The following SEL1L2 variants were observed in gnomAD, a reference collection of about 807,000 sequenced individuals.
SEL1L2 encodes the protein SEL1L2 adaptor subunit of SYVN1 ubiquitin ligase.
SEL1L2 carries 89 observed loss-of-function variants against 98.8 expected under a neutral mutation model. The observed-to-expected ratio is 0.90, with a 90% CI of 0.76 to 1.07. The LOEUF (loss-of-function observed/expected upper bound fraction) is 1.07. SEL1L2 is among the 50% of genes least tolerant of loss of function. The pLI is 0.00. For missense variants in SEL1L2, 788 were observed against 812.0 expected (o/e 0.97, Z 0.36); for synonymous variants, 262 against 278.5 (o/e 0.94, Z 0.59).
intron 12 of SEL1L2, among the ~76,000 whole-genome samples, chr20:13,870,537 A>T (rs925910024): frequency 2.0e-5 from 3 of 152,304 alleles, no homozygotes; most frequent in Non-Finnish European, 4.4e-5. Flanking sequence ...TGCCTTGAAG[A>T]GTTCACACGC....
At chr20:13,919,594 T>G (rs2048562023) in intron 3 of SEL1L2, among the ~76,000 whole-genome samples, 2 of 152,132 alleles carry the variant, frequency 1.3e-5, no homozygotes, top group South Asian at 2.1e-4. Flanking sequence ...ATGACCAGTG[T>G]GCACCTAGGA....
At chr20:13,915,783 T>C (rs189985806) in intron 4 of SEL1L2, among the ~76,000 whole-genome samples, 237 of 152,112 alleles carry the variant, frequency 1.6e-3, no homozygotes, top group African/African-American at 5.3e-3. Context: ...AAGATTAAGA[T>C]GTGGGCTGCA....
At chr20:13,951,524 G>A (rs6110095) in intron 2 of SEL1L2, among the ~76,000 whole-genome samples, 1 of 74,814 alleles carries the variant, frequency 1.3e-5, no homozygotes, top group Non-Finnish European at 2.8e-5. Flanking sequence ...TCTTGAATCC[G>A]GGAGGTGGAG....
Position 13,939,040 on chromosome 20 carries a change from G to GGTTTTTTTTTTTTTTTTTTTTT in SEL1L2, c.115-7270_115-7269insAAAAAAAAAAAAAAAAAAAAAC. On this transcript the variant is annotated intron_variant, in intron 2 of 19. Transcript: ENST00000284951. ...TCTTTTTGGTTTGTTTGCTTGTTTT[G>GGTTTTTTTTTTTTTTTTTTTTT]TTTTTTTTTTTTTTTTTTTCTGAGA... Among the ~76,000 whole-genome samples the GGTTTTTTTTTTTTTTTTTTTTT allele has an allele frequency of 3.4e-3, 393 of 114,058 alleles. 58 individuals carry two copies. The highest frequency in any genetic ancestry group is 5.0e-3 in the Non-Finnish European group (287 of 57,520). 74.8% of individuals were successfully genotyped at this position (114,058 alleles called of 152,430 possible). A position where few individuals can be genotyped will look rare whatever the true frequency, so the allele number is the denominator to read the frequency against.
chr20:13,878,782 C>T (rs548272619), intron 10 of SEL1L2, among the ~76,000 whole-genome samples: 4 of 152,146 alleles, frequency 2.6e-5, no homozygotes, highest in South Asian at 2.1e-4. Context: ...TAGTATGTTA[C>T]GTATTATAGA....
At chr20:13,959,134 A>G (rs2050672434) in intron 1 of SEL1L2, among the ~76,000 whole-genome samples, 1 of 152,176 alleles carries the variant, frequency 6.6e-6, no homozygotes, top group Non-Finnish European at 1.5e-5. Flanking sequence ...AAAAAGCTTG[A>G]TAAGTGGGTG....
chr20:13,991,662 A>G (rs569084855), upstream of SEL1L2, among the ~76,000 whole-genome samples: 5 of 152,238 alleles, frequency 3.3e-5, no homozygotes, highest in Admixed American at 2.0e-4. Context: ...TTTAGGGCCC[A>G]CCAACATGAT....
intron 10 of SEL1L2, among the ~76,000 whole-genome samples, chr20:13,882,782 C>T (rs2046766639): frequency 6.9e-6 from 1 of 145,920 alleles, no homozygotes; most frequent in African/African-American, 2.5e-5. Context: ...AAAATGCAGA[C>T]AAAGATAACT....
chr20:13,877,372 C>G, intron 11 of SEL1L2, 148 bp downstream of exon 11: 1 of 543,012 alleles, frequency 1.8e-6, no homozygotes, highest in Non-Finnish European at 3.3e-6. Flanking sequence ...AGGGTCTTGC[C>G]GTGTTGCCCA....
Position 13,956,129 on chromosome 20 carries a change from T to C in SEL1L2, c.61A>G (p.Ile21Val), listed in dbSNP as rs749143496. 42 of 1,515,648 alleles carry C rather than the reference T, an allele frequency of 2.8e-5. No individual in the cohort carries two copies. The highest frequency in any genetic ancestry group is 7.6e-5 in the Admixed American group (4 of 52,520). 93.9% of individuals were successfully genotyped at this position (1,515,648 alleles called of 1,614,324 possible). ...CTTTTATTATGTTCCTCTGCTTTGATAGCTGCAATACACAAAATTTTTTTA... is the reference window on the plus strand; with the variant it reads ...CTTTTATTATGTTCCTCTGCTTTGACAGCTGCAATACACAAAATTTTTTTA... ...LIILGVTIKTIKAEEHNKRQK... is the reference protein window; with the variant it reads ...LIILGVTIKTVKAEEHNKRQK... The change falls in exon 2 of 20, where the codon ATC (isoleucine) becomes GTC (valine). Residue 21 changes from isoleucine (I) to valine (V), a missense_variant and splice_region_variant. Physicochemically the swap from Ile to Val is conservative, Grantham distance 29 (BLOSUM62 3). Transcript: ENST00000284951.
intron 10 of SEL1L2, among the ~76,000 whole-genome samples, chr20:13,882,756 TG>T (rs1241361627): frequency 2.6e-5 from 4 of 151,836 alleles, no homozygotes; most frequent in Admixed American, 2.6e-4. Context: ...CACCTAAGTT[TG>T]GGACTATTTT....
intron 2 of SEL1L2, among the ~76,000 whole-genome samples, chr20:13,937,862 G>A (rs2049532645): frequency 6.6e-6 from 1 of 152,140 alleles, no homozygotes; most frequent in Non-Finnish European, 1.5e-5. Flanking sequence ...TTTCACAGGA[G>A]AAACTAAAAA....
At chr20:13,934,196 A>T (rs2049291553) in intron 2 of SEL1L2, among the ~76,000 whole-genome samples, 1 of 148,126 alleles carries the variant, frequency 6.8e-6, no homozygotes, top group East Asian at 2.0e-4. Context: ...CTTAGCTCCC[A>T]CTTATAAGTG....
At chr20:13,952,813 G>A (rs189504111) in intron 2 of SEL1L2, among the ~76,000 whole-genome samples, 32 of 152,248 alleles carry the variant, frequency 2.1e-4, no homozygotes, top group Non-Finnish European at 2.9e-5. Context: ...GGCAGATCAC[G>A]AGGTCAAAAG....
intron 1 of SEL1L2, among the ~76,000 whole-genome samples, chr20:13,970,519 T>A (rs1209710884): frequency 6.6e-6 from 1 of 152,200 alleles, no homozygotes; most frequent in Non-Finnish European, 1.5e-5. Context: ...CTTCCACACT[T>A]AGTATACGTA....
intron 2 of SEL1L2, among the ~76,000 whole-genome samples, chr20:13,950,337 T>A (rs1600882401): frequency 6.6e-6 from 1 of 152,218 alleles, no homozygotes; most frequent in Non-Finnish European, 1.5e-5. Flanking sequence ...TATGTATATT[T>A]GACCACAATT....
chr20:13,932,568 A>G (rs2049199457), intron 2 of SEL1L2, among the ~76,000 whole-genome samples: 1 of 151,974 alleles, frequency 6.6e-6, no homozygotes, highest in Admixed American at 6.6e-5. Flanking sequence ...AGTAACTGGG[A>G]CTACAGGTGC....
intron 18 of SEL1L2, 22 bp from the exon 19 acceptor site, chr20:13,850,341 TA>T: frequency 6.2e-7 from 1 of 1,613,502 alleles, no homozygotes; most frequent in Non-Finnish European, 8.5e-7. Context: ...AGAATAGCCC[TA>T]CCCATCAGAT....
intron 11 of SEL1L2, 127 bp from the exon 12 acceptor site, chr20:13,876,242 C>T (rs894734336): frequency 1.5e-6 from 1 of 686,546 alleles, no homozygotes; most frequent in Non-Finnish European, 2.6e-6. Flanking sequence ...CTGTAAATGC[C>T]ACTGAATTGT....
Sources: gnomAD v4.1 joint callset for allele counts (sites outside exome capture counted in the v4.1 genomes callset) on GRCh38, gnomAD v4.1.1 for gene constraint, MANE v1.5 for transcripts, NCBI Gene and HGNC (gene_info 2026-07-23, HGNC 2026-07-21) for gene names.